Variants in ARMC8 observed in about 807,000 individuals in gnomAD.
ARMC8 encodes the protein armadillo repeat-containing protein 8.
A neutral mutation model predicts 99.3 loss-of-function variants in ARMC8; 20 were observed. The ratio of observed to expected loss-of-function variants is 0.20; its 90% CI spans 0.14 to 0.29. The LOEUF is 0.29. Among genes scored for constraint, ARMC8 ranks in the 10% least tolerant of loss-of-function variants. The pLI, the probability that ARMC8 is intolerant of heterozygous loss-of-function variation, is 1.00. For synonymous variants in ARMC8, 263 were observed against 278.3 expected (o/e 0.95, Z 0.55); for missense variants, 569 against 809.5 (o/e 0.70, Z 3.60).
chr3:138,188,511 G>A, intron 1 of ARMC8: 1 of 1,613,862 alleles, frequency 6.2e-7, no homozygotes, highest in Non-Finnish European at 8.5e-7. Flanking sequence ...ACAAATTCGA[G>A]CTGTCCGACT....
chr3:138,267,301 CTTTT>C, intron 15 of ARMC8, 60 bp downstream of exon 15: 6 of 1,024,662 alleles, frequency 5.9e-6, no homozygotes, highest in Non-Finnish European at 8.4e-6. Flanking sequence ...TACTCAAATA[CTTTT>C]TATAGTAGTT....
Position 138,295,883 on chromosome 3 carries a change from C to T in ARMC8, c.2013C>T (p.Tyr671=). 6.2e-7 allele frequency: 1 copy of T among 1,613,662 alleles called. No individual in the cohort carries two copies. Among genetic ancestry groups the T allele is most frequent in the Admixed American group, 1.7e-5 (1 of 59,970 alleles). The part of the protein sequence containing the change: ...CDKAKMALQQ[Y]LA ...GGGCAAAGATGGCACTGCAGCAGTACCTGGCATGATGGGAGTGCCCCTGGG... is the reference window on the plus strand; with the variant it reads ...GGGCAAAGATGGCACTGCAGCAGTATCTGGCATGATGGGAGTGCCCCTGGG... The change falls in exon 22 of 22, where the codon TAC becomes TAT. Residue 671 remains tyrosine (Y), a synonymous_variant. Transcript: ENST00000469044.
chr3:138,203,692 G>T (rs760346913), intron 1 of ARMC8, among the ~76,000 whole-genome samples: 1 of 152,196 alleles, frequency 6.6e-6, no homozygotes, highest in African/African-American at 2.4e-5. Flanking sequence ...TTGCACGAGG[G>T]CGTGAATATC....
chr3:138,260,252 A>T (rs78340481), intron 12 of ARMC8, among the ~76,000 whole-genome samples: 7,909 of 152,208 alleles, frequency 0.052, 686 homozygotes, highest in African/African-American at 0.18. Context: ...CTTCTTCCCA[A>T]GTTCCTTCTA....
At chr3:138,204,784 A>C (rs2044267901) in intron 1 of ARMC8, among the ~76,000 whole-genome samples, 1 of 152,206 alleles carries the variant, frequency 6.6e-6, no homozygotes, top group Non-Finnish European at 1.5e-5. Context: ...TCCAGAGCAG[A>C]GTCTTCCAGT....
At position 138,245,069 on chromosome 3, in the gene ARMC8, A is replaced by G; in HGVS notation, c.1039-19A>G. 6.2e-7 allele frequency: 1 copy of G among 1,612,998 alleles called. No homozygotes were observed. The highest frequency in any genetic ancestry group is 8.5e-7 in the Non-Finnish European group (1 of 1,179,288). On this transcript the variant is annotated intron_variant, in intron 11 of 21. Coordinates refer to ENST00000469044, the MANE Select transcript of ARMC8 (RefSeq NM_001363941.2). ...GAATTTATGGACTGAGTTGGAACAT[A>G]TCCTTTTTTTCCCCATAGCTTGATC...
chr3:138,188,908 T>TA (rs1340172198), intron 1 of ARMC8, among the ~76,000 whole-genome samples: 4 of 152,226 alleles, frequency 2.6e-5, no homozygotes, highest in African/African-American at 9.6e-5. Flanking sequence ...ACTAAGGAAA[T>TA]ACTGTTTACC....
At chr3:138,252,106 A>G (rs1179382028) in intron 12 of ARMC8, among the ~76,000 whole-genome samples, 1 of 152,254 alleles carries the variant, frequency 6.6e-6, no homozygotes, top group Admixed American at 6.5e-5. Flanking sequence ...AAGTGCTAGC[A>G]TAGAGGTTGG....
intron 5 of ARMC8, among the ~76,000 whole-genome samples, chr3:138,225,241 G>A (rs1445841797): frequency 1.3e-5 from 2 of 150,880 alleles, no homozygotes; most frequent in African/African-American, 4.9e-5. Context: ...GAGCTACTCA[G>A]CTGGGCCTAC....
At chr3:138,229,076 C>A in intron 6 of ARMC8, 66 bp downstream of exon 6, 2 of 1,079,512 alleles carry the variant, frequency 1.9e-6, no homozygotes, top group Non-Finnish European at 2.6e-6. Context: ...GATGTACCTT[C>A]TTTGTGTACC....
intron 21 of ARMC8, among the ~76,000 whole-genome samples, chr3:138,294,271 G>A (rs918656513): frequency 5.3e-5 from 8 of 152,192 alleles, no homozygotes; most frequent in Admixed American, 5.2e-4. Flanking sequence ...CAGATGAGAA[G>A]CTATTGCTAA....
At chr3:138,213,204 A>G (rs1359942012) in intron 2 of ARMC8, among the ~76,000 whole-genome samples, 4 of 152,222 alleles carry the variant, frequency 2.6e-5, no homozygotes, top group Admixed American at 2.0e-4. Flanking sequence ...CAACTAATCT[A>G]CTAGCTGAGT....
intron 1 of ARMC8, chr3:138,187,893 G>A: frequency 2.1e-6 from 1 of 472,540 alleles, no homozygotes; most frequent in Non-Finnish European, 3.8e-6. Context: ...GGCGCGGCTT[G>A]GACTTTGCCA....
intron 6 of ARMC8, 150 bp downstream of exon 6, chr3:138,229,160 A>ATATG (rs1553758028): frequency 4.8e-4 from 34 of 70,918 alleles, no homozygotes; most frequent in African/African-American, 2.1e-3. Flanking sequence ...ATATATATAT[A>ATATG]TATATATATA....
intron 5 of ARMC8, among the ~76,000 whole-genome samples, chr3:138,227,668 C>T (rs1475604403): frequency 6.6e-6 from 1 of 152,128 alleles, no homozygotes; most frequent in Non-Finnish European, 1.5e-5. Context: ...TTATTCCTCC[C>T]AACAAGGGTG....
At chr3:138,205,060 CTTTT>C (rs71146118) in intron 1 of ARMC8, among the ~76,000 whole-genome samples, 12 of 93,218 alleles carry the variant, frequency 1.3e-4, no homozygotes, top group African/African-American at 3.5e-4. Flanking sequence ...CTTTTCTTTT[CTTTT>C]TTTTTTTTTT....
Position 138,237,479 on chromosome 3 carries a change from T to C in ARMC8, c.686-3T>C, listed in dbSNP as rs1333773531. The C allele has an allele frequency of 1.9e-6, 3 of 1,613,476 alleles. No homozygotes were observed. Among genetic ancestry groups the C allele is most frequent in the East Asian group, 2.2e-5 (1 of 44,862 alleles). ...TAATCATTGTTGTTTGTTTTATTTCTAGTTTTGGTTGATGGAGAATTGTTA... is the reference window on the plus strand; with the variant it reads ...TAATCATTGTTGTTTGTTTTATTTCCAGTTTTGGTTGATGGAGAATTGTTA... On this transcript the variant is annotated splice_region_variant and splice_polypyrimidine_tract_variant and intron_variant, in intron 8 of 21. Coordinates refer to ENST00000469044, the MANE Select transcript of ARMC8 (RefSeq NM_001363941.2).
chr3:138,278,608 C>G (rs2049547398), intron 18 of ARMC8, among the ~76,000 whole-genome samples: 1 of 152,082 alleles, frequency 6.6e-6, no homozygotes, highest in Non-Finnish European at 1.5e-5. Context: ...TGAAATGCCA[C>G]TTGGGATTTC....
intron 18 of ARMC8, among the ~76,000 whole-genome samples, chr3:138,280,708 G>C (rs2049818682): frequency 6.6e-6 from 1 of 151,754 alleles, no homozygotes; most frequent in African/African-American, 2.4e-5. Context: ...TGGCCAAGCT[G>C]GTCTTGAACT....
Sources: gnomAD v4.1 joint callset for allele counts (sites outside exome capture counted in the v4.1 genomes callset) on GRCh38, gnomAD v4.1.1 for gene constraint, MANE v1.5 for transcripts, NCBI Gene and HGNC (gene_info 2026-07-23, HGNC 2026-07-21) for gene names.